Variants in CNTN3 observed in about 807,000 individuals in gnomAD.
CNTN3 encodes contactin-3.
In CNTN3, 60 loss-of-function variants were observed where a neutral mutation model predicts 119.1. The observed-to-expected ratio is 0.50, with a 90% CI of 0.41 to 0.62. The LOEUF (loss-of-function observed/expected upper bound fraction) is 0.62. CNTN3 is among the 20% of genes least tolerant of loss of function. The pLI is 0.00. For missense variants in CNTN3, 1,101 were observed against 1,242.4 expected (o/e 0.89, Z 1.71); for synonymous variants, 450 against 438.7 (o/e 1.03, Z -0.32).
At chr3:74,336,217 A>G (rs1163771811) in intron 12 of CNTN3, among the ~76,000 whole-genome samples, 1 of 152,120 alleles carries the variant, frequency 6.6e-6, no homozygotes. Flanking sequence ...GAAAAAAACA[A>G]AGTGTATCCT....
intron 4 of CNTN3, among the ~76,000 whole-genome samples, chr3:74,468,797 C>T (rs1164132839): frequency 9.6e-6 from 1 of 103,938 alleles, no homozygotes; most frequent in Admixed American, 9.3e-5. Context: ...GTGATCAACA[C>T]CTATATACGT....
At chr3:74,312,864 G>A (rs1392438838) in intron 13 of CNTN3, among the ~76,000 whole-genome samples, 1 of 152,142 alleles carries the variant, frequency 6.6e-6, no homozygotes, top group Non-Finnish European at 1.5e-5. Context: ...TAGCAGGAAT[G>A]CTGGAATTAT....
At chr3:74,568,874 T>C (rs1053939849) in intron 1 of CNTN3, among the ~76,000 whole-genome samples, 6 of 152,220 alleles carry the variant, frequency 3.9e-5, no homozygotes, top group Non-Finnish European at 8.8e-5. Context: ...TGGAGTACTA[T>C]GAAATACACA....
At chr3:74,335,975 T>G (rs1174545311) in intron 12 of CNTN3, among the ~76,000 whole-genome samples, 1 of 152,148 alleles carries the variant, frequency 6.6e-6, no homozygotes, top group Non-Finnish European at 1.5e-5. Context: ...ATTTTCTTCT[T>G]TCTTATTCCT....
intron 1 of CNTN3, among the ~76,000 whole-genome samples, chr3:74,531,714 A>C (rs964609437): frequency 6.6e-6 from 1 of 152,008 alleles, no homozygotes; most frequent in Non-Finnish European, 1.5e-5. Context: ...ACATTCTGAG[A>C]GTCCCAGTAT....
chr3:74,285,385 T>C lies in CNTN3; in HGVS notation c.2624A>G (p.Tyr875Cys). Residue 875 changes from tyrosine (Y) to cysteine (C), a missense_variant, in exon 20 of 23, where the codon TAT becomes TGT. By Grantham distance (194) the Tyr-to-Cys change is radical (BLOSUM62 -2). Transcript: ENST00000263665. ...RLRGLKSNLAYYTAVRAYNSA... is the reference protein window; with the variant it reads ...RLRGLKSNLACYTAVRAYNSA... ...GTTGTAAGCCCGGACAGCCGTGTAATAGGCCAGGTTGCTCTTCAGGCCCCG... is the reference window on the plus strand; with the variant it reads ...GTTGTAAGCCCGGACAGCCGTGTAACAGGCCAGGTTGCTCTTCAGGCCCCG... 6.2e-7 allele frequency: 1 copy of C among 1,613,864 alleles called. No homozygotes were observed.
At chr3:74,332,464 C>G (rs552980596) in intron 13 of CNTN3, among the ~76,000 whole-genome samples, 3 of 152,176 alleles carry the variant, frequency 2.0e-5, no homozygotes, top group African/African-American at 7.2e-5. Flanking sequence ...GTTGCAGACA[C>G]CTGACTTGTA....
At chr3:74,539,875 T>A (rs1366516755) in intron 1 of CNTN3, among the ~76,000 whole-genome samples, 2 of 152,112 alleles carry the variant, frequency 1.3e-5, no homozygotes, top group Non-Finnish European at 2.9e-5. Flanking sequence ...CCACATTGTA[T>A]TTGTTCGGAA....
chr3:74,285,414 T>C lies in CNTN3; in HGVS notation c.2595A>G (p.Arg865=). Residue 865 remains arginine, a synonymous_variant, in exon 20 of 23, where the codon AGA becomes AGG. Transcript: ENST00000263665. Reference sequence around the variant, plus strand: ...CCAGGTTGCTCTTCAGGCCCCGTAGTCTGGCTGATGTCTCATTTCCTGCCA... The same window carrying C: ...CCAGGTTGCTCTTCAGGCCCCGTAGCCTGGCTGATGTCTCATTTCCTGCCA... ...MKVAGNETSA[R]LRGLKSNLAY... is the part of the protein sequence containing the mutation. 6.2e-7 allele frequency: 1 copy of C among 1,613,684 alleles called. No individual in the cohort carries two copies. Among genetic ancestry groups the C allele is most frequent in the Non-Finnish European group, 8.5e-7 (1 of 1,179,790 alleles).
At chr3:74,554,331 A>C (rs1049222028) in intron 1 of CNTN3, among the ~76,000 whole-genome samples, 6 of 151,588 alleles carry the variant, frequency 4.0e-5, no homozygotes, top group Admixed American at 3.9e-4. Context: ...CTTTGTAGTA[A>C]AGTTTGAAGT....
At chr3:74,522,553 A>C (rs1703558576) in intron 1 of CNTN3, among the ~76,000 whole-genome samples, 1 of 151,912 alleles carries the variant, frequency 6.6e-6, no homozygotes, top group Non-Finnish European at 1.5e-5. Flanking sequence ...ATGGAGAAGT[A>C]AGATAGGAAA....
At chr3:74,346,948 T>G (rs1411977199) in intron 11 of CNTN3, among the ~76,000 whole-genome samples, 2 of 152,160 alleles carry the variant, frequency 1.3e-5, no homozygotes, top group African/African-American at 4.8e-5. Flanking sequence ...TCGCAATAAA[T>G]TAAACTGGAA....
At chr3:74,592,921 A>G (rs577476301) in intron 1 of CNTN3, among the ~76,000 whole-genome samples, 24 of 152,112 alleles carry the variant, frequency 1.6e-4, no homozygotes, top group South Asian at 1.5e-3. Flanking sequence ...GCCTTTAATC[A>G]CTTCATAAAA....
chr3:74,495,543 A>G (rs1026253424), intron 3 of CNTN3, among the ~76,000 whole-genome samples: 1 of 152,052 alleles, frequency 6.6e-6, no homozygotes, highest in African/African-American at 2.4e-5. Context: ...GCCTAGATAT[A>G]TATTACTGTG....
At chr3:74,319,460 A>T (rs917362392) in intron 13 of CNTN3, among the ~76,000 whole-genome samples, 1 of 152,090 alleles carries the variant, frequency 6.6e-6, no homozygotes, top group African/African-American at 2.4e-5. Context: ...ACTGGCTAGC[A>T]ATATGTAGAA....
At position 74,614,494 on chromosome 3, in the gene CNTN3, G is replaced by A. The variant is rs949216049; in HGVS notation, c.-184C>T. ...CCGCCGCCGCAGTTAGTCCGGGCCCGGGGGGCCGCCGTGCGCGCCCGCGTA... is the reference window on the plus strand; with the variant it reads ...CCGCCGCCGCAGTTAGTCCGGGCCCAGGGGGCCGCCGTGCGCGCCCGCGTA... On this transcript the variant is annotated 5_prime_UTR_variant, in exon 1 of 23. Transcript: ENST00000263665. 6.4e-4 allele frequency among the ~76,000 whole-genome samples: 93 copies of A among 145,686 alleles called. No individual in the cohort carries two copies. Among genetic ancestry groups the A allele is most frequent in the Non-Finnish European group, 1.0e-3 (69 of 65,762 alleles).
At chr3:74,522,521 G>A (rs1703557951) in intron 1 of CNTN3, among the ~76,000 whole-genome samples, 2 of 151,990 alleles carry the variant, frequency 1.3e-5, no homozygotes, top group East Asian at 1.9e-4. Flanking sequence ...TACTTGGGAA[G>A]TGAAGGACAA....
intron 14 of CNTN3, among the ~76,000 whole-genome samples, chr3:74,302,447 C>T (rs950637549): frequency 1.3e-5 from 2 of 152,198 alleles, no homozygotes; most frequent in Non-Finnish European, 2.9e-5. Flanking sequence ...CTCAAGAACA[C>T]ATCAGCTTGG....
chr3:74,306,428 TAA>T (rs1422557856), intron 13 of CNTN3, among the ~76,000 whole-genome samples: 1 of 152,126 alleles, frequency 6.6e-6, no homozygotes, highest in Non-Finnish European at 1.5e-5. Context: ...ATACTTTGAA[TAA>T]AAAATAGCTT....
Sources: allele counts gnomAD v4.1 joint callset (sites outside exome capture counted in the v4.1 genomes callset), GRCh38; gene constraint gnomAD v4.1.1; transcripts MANE v1.5; gene names NCBI Gene and HGNC (gene_info 2026-07-23, HGNC 2026-07-21).